The following HS3ST5 variants were observed in gnomAD, a reference collection of about 807,000 sequenced individuals.
HS3ST5 encodes the protein heparan sulfate glucosamine 3-O-sulfotransferase 5.
HS3ST5 carries 10 observed loss-of-function variants against 25.4 expected under a neutral mutation model. That is an observed-to-expected ratio of 0.39 (90% CI 0.24 to 0.67). The LOEUF is 0.67. HS3ST5 is among the 30% of genes least tolerant of loss of function. The pLI, the probability that HS3ST5 is intolerant of heterozygous loss-of-function variation, is 0.44. For synonymous variants in HS3ST5, 170 were observed against 162.4 expected (o/e 1.05, Z -0.36); for missense variants, 324 against 420.7 (o/e 0.77, Z 2.01).
intron 1 of HS3ST5, among the ~76,000 whole-genome samples, chr6:114,246,347 CCTTG>C (rs1308204393): frequency 6.6e-6 from 1 of 152,156 alleles, no homozygotes. Flanking sequence ...CAGATAGCAT[CCTTG>C]CTTAAGTCAC....
At chr6:114,293,818 A>C (rs114831724) in intron 1 of HS3ST5, among the ~76,000 whole-genome samples, 2,814 of 152,268 alleles carry the variant, frequency 0.018, 99 homozygotes, top group African/African-American at 0.064. Flanking sequence ...AAAAGAAGAA[A>C]GAGCCTCAAA....
intron 1 of HS3ST5, among the ~76,000 whole-genome samples, chr6:114,256,346 C>T (rs1464051507): frequency 1.3e-5 from 2 of 151,770 alleles, no homozygotes; most frequent in South Asian, 4.2e-4. Flanking sequence ...CGAGATTGCG[C>T]CACTGCACTC....
At chr6:114,192,122 T>G (rs1329706529) in intron 2 of HS3ST5, among the ~76,000 whole-genome samples, 5 of 152,210 alleles carry the variant, frequency 3.3e-5, no homozygotes, top group Non-Finnish European at 5.9e-5. Flanking sequence ...AAAATGGATG[T>G]TATTTTGAAC....
intron 1 of HS3ST5, among the ~76,000 whole-genome samples, chr6:114,240,642 C>T (rs899776432): frequency 6.6e-6 from 1 of 152,078 alleles, no homozygotes. Context: ...TAAAAAAGCT[C>T]GCCATGTAAT....
chr6:114,338,155 T>A (rs751420055), intron 1 of HS3ST5, among the ~76,000 whole-genome samples: 176 of 152,136 alleles, frequency 1.2e-3, no homozygotes, highest in Middle Eastern at 3.4e-3. Context: ...TTTATGAGTA[T>A]CATTCTCAAA....
At chr6:114,259,808 C>T (rs956658025) in intron 1 of HS3ST5, among the ~76,000 whole-genome samples, 2 of 152,106 alleles carry the variant, frequency 1.3e-5, no homozygotes, top group Non-Finnish European at 2.9e-5. Context: ...GTGCATCAAT[C>T]CACAATGCAC....
At position 114,339,426 on chromosome 6, in the gene HS3ST5, T is replaced by C. The variant is rs181517780; in HGVS notation, c.-339+2769A>G. On this transcript the variant is annotated intron_variant, in intron 1 of 4. Coordinates refer to ENST00000312719, the MANE Select transcript of HS3ST5 (RefSeq NM_153612.4). ...AAGACATTTCCCCTTTTCTAAAAAATCCTAAATAACTACTTTTGTTAACTT... is the reference window on the plus strand; with the variant it reads ...AAGACATTTCCCCTTTTCTAAAAAACCCTAAATAACTACTTTTGTTAACTT... Among the ~76,000 whole-genome samples the C allele has an allele frequency of 2.9e-4, 44 of 152,292 alleles. No homozygotes were observed. The East Asian group carries it at 7.1e-3, about 25-fold the overall frequency.
At chr6:114,180,646 T>C (rs1335360753) in intron 2 of HS3ST5, among the ~76,000 whole-genome samples, 1 of 152,218 alleles carries the variant, frequency 6.6e-6, no homozygotes, top group Non-Finnish European at 1.5e-5. Context: ...CTTGAACTTG[T>C]GTGCTTTTTC....
intron 3 of HS3ST5, among the ~76,000 whole-genome samples, chr6:114,125,721 T>C (rs1426682549): frequency 6.6e-6 from 1 of 152,192 alleles, no homozygotes; most frequent in African/African-American, 2.4e-5. Flanking sequence ...GAGTACTTAG[T>C]TGATGCAAAG....
chr6:114,313,505 T>A (rs1775622983), intron 1 of HS3ST5, among the ~76,000 whole-genome samples: 1 of 152,072 alleles, frequency 6.6e-6, no homozygotes, highest in African/African-American at 2.4e-5. Context: ...TATCCAGCAA[T>A]AAAAAGAAAT....
chr6:114,320,940 A>AT (rs5879259), intron 1 of HS3ST5, among the ~76,000 whole-genome samples: 68,442 of 147,256 alleles, frequency 0.46, 17,078 homozygotes, highest in African/African-American at 0.63. Context: ...ATACATATAT[A>AT]ATATATAAAG....
intron 1 of HS3ST5, among the ~76,000 whole-genome samples, chr6:114,293,017 G>A (rs563057927): frequency 6.6e-6 from 1 of 151,984 alleles, no homozygotes; most frequent in Admixed American, 6.6e-5. Context: ...AGGGCTGACT[G>A]TACATTAATG....
At chr6:114,086,215 A>T (rs1225402589) in intron 3 of HS3ST5, among the ~76,000 whole-genome samples, 8 of 152,208 alleles carry the variant, frequency 5.3e-5, no homozygotes, top group African/African-American at 1.9e-4. Flanking sequence ...TAATGTTACT[A>T]ATCAGCTGAA....
At chr6:114,163,314 G>A (rs982695231) in intron 3 of HS3ST5, among the ~76,000 whole-genome samples, 4 of 152,068 alleles carry the variant, frequency 2.6e-5, no homozygotes, top group Admixed American at 6.6e-5. Flanking sequence ...GTCCATATTC[G>A]TCGGGCTAAT....
At chr6:114,144,785 G>C (rs1323383208) in intron 3 of HS3ST5, among the ~76,000 whole-genome samples, 2 of 152,168 alleles carry the variant, frequency 1.3e-5, no homozygotes, top group African/African-American at 4.8e-5. Flanking sequence ...TCTGTAAAAG[G>C]CTGAGTTGAT....
intron 3 of HS3ST5, chr6:114,132,351 T>G (rs1777377575): frequency 6.6e-6 from 1 of 152,206 alleles, no homozygotes; most frequent in South Asian, 2.1e-4. Context: ...TGATATAAAT[T>G]TATGCATAAT....
chr6:114,230,529 CTT>C (rs1771531671), intron 1 of HS3ST5, among the ~76,000 whole-genome samples: 2 of 151,288 alleles, frequency 1.3e-5, no homozygotes, highest in Non-Finnish European at 2.9e-5. Flanking sequence ...GGCAGAGACT[CTT>C]TAATAGATTT....
intron 3 of HS3ST5, among the ~76,000 whole-genome samples, chr6:114,161,049 C>T (rs1484830226): frequency 6.6e-6 from 1 of 152,070 alleles, no homozygotes; most frequent in Non-Finnish European, 1.5e-5. Flanking sequence ...GTCAGGAGCT[C>T]AGATTGTCTC....
intron 1 of HS3ST5, among the ~76,000 whole-genome samples, chr6:114,268,246 T>G (rs770138033): frequency 6.6e-6 from 1 of 152,100 alleles, no homozygotes; most frequent in Non-Finnish European, 1.5e-5. Context: ...GGTATACGGG[T>G]TTACTCAGTT....
Sources: allele counts gnomAD v4.1 joint callset (sites outside exome capture counted in the v4.1 genomes callset), GRCh38; gene constraint gnomAD v4.1.1; transcripts MANE v1.5; gene names NCBI Gene and HGNC (gene_info 2026-07-23, HGNC 2026-07-21).